The following INSL6 variants were observed in gnomAD, a reference collection of about 807,000 sequenced individuals.
INSL6 encodes insulin-like peptide INSL6.
In INSL6, 16 loss-of-function variants were observed where a neutral mutation model predicts 9.4. That is an observed-to-expected ratio of 1.70 (90% CI 1.15 to 2.59). The LOEUF (loss-of-function observed/expected upper bound fraction) is 2.59. Ranked by LOEUF, INSL6 falls within the 30% of genes most tolerant of loss-of-function variation. The probability of loss-of-function intolerance (pLI) is 0.00; values close to 1 mark genes in which losing one functional copy is unlikely to be tolerated. For synonymous variants in INSL6, 154 were observed against 96.9 expected (o/e 1.59, Z -3.46); for missense variants, 391 against 257.3 (o/e 1.52, Z -3.56).
At chr9:5,110,928 G>A in the INSL6 span, 2 of 577,728 alleles carry the variant, frequency 3.5e-6, no homozygotes, top group Non-Finnish European at 6.5e-6. Context: ...ACCAGCCGCA[G>A]AGGATGGCAT....
At chr9:5,081,184 C>T in the INSL6 span, among the ~76,000 whole-genome samples, 6 of 151,922 alleles carry the variant, frequency 3.9e-5, no homozygotes, top group Admixed American at 2.0e-4. Context: ...CTTGAGCCAC[C>T]GCTCCCAGCC....
chr9:5,184,502 C>T (rs967922544), intron 1 of INSL6, among the ~76,000 whole-genome samples: 5 of 152,120 alleles, frequency 3.3e-5, no homozygotes, highest in East Asian at 1.9e-4. Flanking sequence ...ATAAATTCAG[C>T]GCATATTAAA....
rs115776352 is a variant in INSL6, at chr9:5,124,482, G to A, written c.*40C>T. Among the ~76,000 whole-genome samples the A allele has an allele frequency of 7.1e-3, 1,069 of 151,496 alleles. 22 individuals are homozygous for A. The highest frequency in any genetic ancestry group is 0.024 in the African/African-American group (1,011 of 41,394). Reference sequence around the variant, plus strand: ...AAAAGGGTGTCCTTTCCCATACTGCGCAAAGCAATCTGCAGATTCAATGCA... The same window carrying A: ...AAAAGGGTGTCCTTTCCCATACTGCACAAAGCAATCTGCAGATTCAATGCA... On this transcript the variant is annotated 3_prime_UTR_variant, in exon 4 of 4. Coordinates refer to the INSL6 transcript ENST00000649639.
At chr9:5,012,797 G>T in the INSL6 span, among the ~76,000 whole-genome samples, 2 of 152,164 alleles carry the variant, frequency 1.3e-5, no homozygotes. Context: ...TGTATGATGA[G>T]GTTGGAGAGG....
the INSL6 span, among the ~76,000 whole-genome samples, chr9:4,992,043 C>T: frequency 6.6e-6 from 1 of 152,138 alleles, no homozygotes; most frequent in South Asian, 2.1e-4. Context: ...AGACAGGGCA[C>T]ACCAGGGATG....
intron 2 of INSL6, among the ~76,000 whole-genome samples, chr9:5,151,138 C>T (rs578078910): frequency 3.9e-5 from 6 of 152,180 alleles, no homozygotes; most frequent in Non-Finnish European, 7.4e-5. Context: ...GTACAGTGTA[C>T]ACTATTCATG....
the INSL6 span, among the ~76,000 whole-genome samples, chr9:5,101,543 T>A: frequency 6.6e-6 from 1 of 152,234 alleles, no homozygotes; most frequent in Non-Finnish European, 1.5e-5. Context: ...ACCAGCATGG[T>A]GTTTGAGCTC....
chr9:4,998,914 C>T, the INSL6 span, among the ~76,000 whole-genome samples: 14 of 151,958 alleles, frequency 9.2e-5, no homozygotes, highest in Admixed American at 6.6e-4. Context: ...CTCCGCCTCC[C>T]GGGTTCACGC....
At chr9:5,025,031 T>G in the INSL6 span, among the ~76,000 whole-genome samples, 1 of 152,204 alleles carries the variant, frequency 6.6e-6, no homozygotes, top group Non-Finnish European at 1.5e-5. Flanking sequence ...ACAACTTTCC[T>G]GCCATTTTTA....
intron 2 of INSL6, among the ~76,000 whole-genome samples, chr9:5,155,004 T>G (rs1564044492): frequency 6.6e-6 from 1 of 151,990 alleles, no homozygotes; most frequent in African/African-American, 2.4e-5. Flanking sequence ...TAAATCATGC[T>G]GCTATAAAGA....
At chr9:5,112,550 C>G in the INSL6 span, 1 of 606,568 alleles carries the variant, frequency 1.6e-6, no homozygotes. Context: ...AAGCAGGTGG[C>G]CAATAACGCC....
chr9:5,073,910 T>C, the INSL6 span: 8 of 639,532 alleles, frequency 1.3e-5, no homozygotes, highest in African/African-American at 1.8e-5. Context: ...GAGTTAAGTA[T>C]TTTTGAAACT....
the INSL6 span, chr9:5,080,224 A>G: frequency 1.2e-6 from 2 of 1,605,394 alleles, no homozygotes; most frequent in Non-Finnish European, 1.7e-6. Flanking sequence ...CGTATCATTT[A>G]AAAGTTCTTC....
chr9:5,097,729 G>C, the INSL6 span: 1 of 152,128 alleles, frequency 6.6e-6, no homozygotes, highest in Non-Finnish European at 1.5e-5. Flanking sequence ...AATTGGCATT[G>C]TACTAGCTAA....
chr9:5,077,399 A>ATT, the INSL6 span: 1 of 605,624 alleles, frequency 1.7e-6, no homozygotes, highest in Non-Finnish European at 2.4e-6. Context: ...AATTACATAT[A>ATT]TTTAATTATA....
At chr9:5,134,283 C>G (rs202222281) in intron 2 of INSL6, among the ~76,000 whole-genome samples, 6 of 152,114 alleles carry the variant, frequency 3.9e-5, no homozygotes, top group Admixed American at 2.6e-4. Flanking sequence ...ATATTATCCA[C>G]GAGAACTTCC....
At chr9:5,086,069 C>G in the INSL6 span, 2 of 687,806 alleles carry the variant, frequency 2.9e-6, no homozygotes, top group East Asian at 2.9e-5. Context: ...AATAGGGTAT[C>G]TGAGACAAGT....
chr9:5,131,528 C>G (rs1051206316), intron 3 of INSL6, among the ~76,000 whole-genome samples: 3 of 149,470 alleles, frequency 2.0e-5, no homozygotes, highest in African/African-American at 7.6e-5. Context: ...ACCTCCACCT[C>G]CTGGGTTCAA....
the INSL6 span, among the ~76,000 whole-genome samples, chr9:5,018,782 A>G: frequency 6.6e-6 from 1 of 152,220 alleles, no homozygotes; most frequent in South Asian, 2.1e-4. Context: ...TTTGCTGGGT[A>G]TAGTATCCTT....
Sources: allele counts gnomAD v4.1 joint callset (sites outside exome capture counted in the v4.1 genomes callset), GRCh38; gene constraint gnomAD v4.1.1; transcripts MANE v1.5; gene names NCBI Gene and HGNC (gene_info 2026-07-23, HGNC 2026-07-21).